Variants in DRD2 observed in about 807,000 individuals in gnomAD.
DRD2 encodes the protein D(2) dopamine receptor.
A neutral mutation model predicts 38.0 loss-of-function variants in DRD2; 8 were observed. The ratio of observed to expected loss-of-function variants is 0.21; its 90% CI spans 0.12 to 0.38. DRD2 has a LOEUF of 0.38. DRD2 is among the 10% of genes least tolerant of loss of function. DRD2 has a pLI of 1.00. For missense variants in DRD2, 403 were observed against 607.7 expected, an observed-to-expected ratio of 0.66 and a Z score of 3.54; for synonymous variants, 230 against 238.6, an observed-to-expected ratio of 0.96 and a Z score of 0.33.
chr11:113,439,555 CA>C (rs1951067226), intron 1 of DRD2, among the ~76,000 whole-genome samples: 1 of 151,814 alleles, frequency 6.6e-6, no homozygotes, highest in Non-Finnish European at 1.5e-5. Context: ...AAACTAAGAC[CA>C]GGGCTGGGCA....
intron 2 of DRD2, among the ~76,000 whole-genome samples, chr11:113,422,623 T>C (rs1450075893): frequency 1.3e-5 from 2 of 152,226 alleles, no homozygotes; most frequent in Admixed American, 1.3e-4. Flanking sequence ...TGTATTTGTG[T>C]TTCCTTTTGG....
At chr11:113,436,580 T>C (rs985416185) in intron 1 of DRD2, among the ~76,000 whole-genome samples, 1 of 152,146 alleles carries the variant, frequency 6.6e-6, no homozygotes, top group Non-Finnish European at 1.5e-5. Context: ...TATTTACAGA[T>C]GAAATTATAT....
rs1256381349 is a variant in DRD2, at chr11:113,428,658, T to C, written c.-31-3976A>G. Among the ~76,000 whole-genome samples, 5 of 152,268 alleles carry C rather than the reference T, an allele frequency of 3.3e-5. No homozygotes were observed. The East Asian group carries it at 9.6e-4, about 29-fold the overall frequency. ...TTTTTTAATAGAGACAGAATCCCAC[T>C]TTGCCACCCAGGCTGGAGTGCAGTG... is the stretch of plus-strand genomic sequence containing the variant. On this transcript the variant is annotated intron_variant, in intron 1 of 7. Transcript: ENST00000362072.
At chr11:113,426,623 T>C (rs1212354034) in intron 1 of DRD2, among the ~76,000 whole-genome samples, 1 of 151,888 alleles carries the variant, frequency 6.6e-6, no homozygotes, top group African/African-American at 2.4e-5. Flanking sequence ...GTCTGCCCAA[T>C]CTCCACACTC....
At position 113,410,658 on chromosome 11, in the gene DRD2, G is replaced by A. The variant is rs201475538; in HGVS notation, c.*69C>T. On this transcript the variant is annotated 3_prime_UTR_variant, in exon 8 of 8. Coordinates refer to ENST00000362072, the MANE Select transcript of DRD2 (RefSeq NM_000795.4). Reference sequence around the variant, plus strand: ...ACCCAGGCCTTCCTGCTCACGGTTCGCAAGGGTGAGGCTGGCCGGCCTGGG... The same window carrying A: ...ACCCAGGCCTTCCTGCTCACGGTTCACAAGGGTGAGGCTGGCCGGCCTGGG... 24 of 1,600,370 alleles carry A rather than the reference G, an allele frequency of 1.5e-5. No individual in the cohort carries two copies. Among genetic ancestry groups the A allele is most frequent in the East Asian group, 8.9e-5 (4 of 44,810 alleles).
At chr11:113,430,974 T>C (rs1565667073) in intron 1 of DRD2, among the ~76,000 whole-genome samples, 1 of 152,240 alleles carries the variant, frequency 6.6e-6, no homozygotes, top group East Asian at 1.9e-4. Context: ...AGTGGCACAG[T>C]ATATTTAAAA....
chr11:113,469,114 A>G (rs926947285), intron 1 of DRD2, among the ~76,000 whole-genome samples: 1 of 152,008 alleles, frequency 6.6e-6, no homozygotes, highest in Non-Finnish European at 1.5e-5. Flanking sequence ...AGCTTGACAA[A>G]ACATCCGTCT....
At chr11:113,412,446 G>A in intron 7 of DRD2, 110 bp downstream of exon 7, 1 of 1,375,036 alleles carries the variant, frequency 7.3e-7, no homozygotes, top group Non-Finnish European at 1.0e-6. Flanking sequence ...CTTGGCCTGT[G>A]CCTGAGGAAA....
chr11:113,414,350 C>G, intron 6 of DRD2, 25 bp downstream of exon 6: 1 of 1,609,284 alleles, frequency 6.2e-7, no homozygotes, highest in Non-Finnish European at 8.5e-7. Flanking sequence ...AGACCTGGCT[C>G]TGGGTCCCTG....
intron 3 of DRD2, 35 bp downstream of exon 3, chr11:113,417,992 G>T: frequency 6.4e-7 from 1 of 1,574,084 alleles, no homozygotes; most frequent in Non-Finnish European, 8.7e-7. Context: ...ATGGTGAGTG[G>T]CCAGAGCAAC....
rs200966282 is a variant in DRD2 at position 113,414,394 on chromosome 11, G to A, written c.791C>T (p.Pro264Leu). Residue 264 changes from proline (P) to leucine (L), a missense_variant, in exon 6 of 8, where the codon CCA (proline) becomes CTA (leucine). This residue lies in a region of DRD2 where 166 missense variants were observed against 178.6 expected (regional missense o/e 0.93). Transcript: ENST00000362072. ...TVIMKSNGSF[P>L]VNRRRVEAAR... ...ACTTACCACTCTCCGCCTGTTCACT[G>A]GGAAACTCCCATTAGACTTCATGAT... is the stretch of plus-strand genomic sequence containing the variant. 6.2e-6 allele frequency: 10 copies of A among 1,614,036 alleles called. No homozygotes were observed. The South Asian group carries it at 1.1e-4, about 18-fold the overall frequency.
intron 1 of DRD2, among the ~76,000 whole-genome samples, chr11:113,472,328 A>G (rs1164427015): frequency 6.6e-6 from 1 of 152,172 alleles, no homozygotes; most frequent in Non-Finnish European, 1.5e-5. Flanking sequence ...TTGTTTATTC[A>G]GAGAATGGTG....
chr11:113,428,929 T>C (rs1950962384), intron 1 of DRD2, among the ~76,000 whole-genome samples: 1 of 152,160 alleles, frequency 6.6e-6, no homozygotes, highest in African/African-American at 2.4e-5. Flanking sequence ...TTTAAAATTA[T>C]GAGTACAATG....
In DRD2 at chr11:113,410,305, A is replaced by G. The variant is rs1217062078; in HGVS notation, c.*422T>C. The G allele has an allele frequency of 2.9e-6, 1 of 350,342 alleles. No individual in the cohort carries two copies. The highest frequency in any genetic ancestry group is 5.4e-6 in the Non-Finnish European group (1 of 183,716). 21.7% of individuals were successfully genotyped at this position (350,342 alleles called of 1,614,324 possible). A position where few individuals can be genotyped will look rare whatever the true frequency, so the allele number is the denominator to read the frequency against. ...CTCCTGTGGGCCTTGCAGGGTGTGA[A>G]CTGTCCATCTCTCCCCACCGCCTGC... On this transcript the variant is annotated 3_prime_UTR_variant, in exon 8 of 8. Transcript: ENST00000362072.
intron 1 of DRD2, among the ~76,000 whole-genome samples, chr11:113,442,539 C>T (rs1951104488): frequency 6.6e-6 from 1 of 152,122 alleles, no homozygotes; most frequent in Admixed American, 6.5e-5. Flanking sequence ...ATTTTCTCAC[C>T]TCCCCAGCCC....
chr11:113,412,727 C>T lies in DRD2; in HGVS notation c.967G>A (p.Ala323Thr), dbSNP rs527942874. ...HGLHSTPDSP[A>T]KPEKNGHAKD... ...GCATGCCCATTCTTCTCTGGTTTGG[C>T]GGGGCTGTCGGGAGTGCTGTGGAGA... The change falls in exon 7 of 8, where the codon GCC becomes ACC. Residue 323 changes from alanine to threonine, a missense_variant. Physicochemically the swap from Ala to Thr is moderately conservative, Grantham distance 58. Around this residue, in one of 4 missense-constraint regions of DRD2, gnomAD observed 166 missense variants for 178.6 expected, o/e 0.93. Transcript: ENST00000362072. 1.5e-5 allele frequency: 24 copies of T among 1,614,044 alleles called. No homozygotes were observed. The highest frequency in any genetic ancestry group is 1.7e-5 in the Non-Finnish European group (20 of 1,180,012).
intron 5 of DRD2, 121 bp from the exon 6 acceptor site, chr11:113,414,582 T>G (rs1230905165): frequency 2.1e-5 from 21 of 985,278 alleles, no homozygotes; most frequent in East Asian, 1.8e-4. Flanking sequence ...ATCAGGAGGG[T>G]GGGGGCCAGA....
chr11:113,469,224 G>T (rs1951398814), intron 1 of DRD2, among the ~76,000 whole-genome samples: 1 of 152,010 alleles, frequency 6.6e-6, no homozygotes, highest in Non-Finnish European at 1.5e-5. Flanking sequence ...GCTTGCTGAG[G>T]TTTACGCCCA....
chr11:113,442,763 G>T (rs572499913), intron 1 of DRD2, among the ~76,000 whole-genome samples: 1 of 152,124 alleles, frequency 6.6e-6, no homozygotes, highest in Admixed American at 6.5e-5. Context: ...ACTGAGGTGC[G>T]TGTCACAGAT....
Sources: allele counts gnomAD v4.1 joint callset (sites outside exome capture counted in the v4.1 genomes callset), GRCh38; gene constraint gnomAD v4.1.1; regional missense constraint gnomAD v4.1.1; transcripts MANE v1.5; gene names NCBI Gene and HGNC (gene_info 2026-07-23, HGNC 2026-07-21).